COG6: variants seen among roughly 807,000 people sequenced by gnomAD.
COG6 encodes the protein conserved oligomeric Golgi complex subunit 6.
Under a neutral mutation model 88.8 loss-of-function variants are expected in COG6, and 74 were observed. The observed-to-expected ratio is 0.83, with a 90% CI of 0.69 to 1.01. The LOEUF (loss-of-function observed/expected upper bound fraction) is 1.01, where lower values mean the gene tolerates loss of function less well. Ranked by LOEUF, COG6 falls within the 50% of genes least tolerant of loss-of-function variation. The pLI, the probability that COG6 is intolerant of heterozygous loss-of-function variation, is 0.00. For missense variants in COG6, 800 were observed against 797.9 expected, an observed-to-expected ratio of 1.00 and a Z score of -0.03; for synonymous variants, 286 against 278.7, an observed-to-expected ratio of 1.03 and a Z score of -0.26.
intron 13 of COG6, among the ~76,000 whole-genome samples, chr13:39,717,307 AT>A (rs1287267288): frequency 1.3e-5 from 2 of 151,596 alleles, no homozygotes; most frequent in African/African-American, 4.8e-5. Context: ...TCTTGAGTTT[AT>A]CTTTCTTGGG....
intron 4 of COG6, 25 bp downstream of exon 4, chr13:39,665,179 C>CT (rs895666001): frequency 8.6e-6 from 11 of 1,281,912 alleles, no homozygotes; most frequent in Non-Finnish European, 1.3e-5. Context: ...ATACAACCAC[C>CT]TTTTCAATAA....
chr13:39,788,244 C>A, intron 18 of COG6: 1 of 1,277,698 alleles, frequency 7.8e-7, no homozygotes, highest in South Asian at 1.3e-5. Flanking sequence ...TATTTCAGCC[C>A]TCCCTGTGAA....
chr13:39,709,684 G>A (rs1368870512), intron 13 of COG6, among the ~76,000 whole-genome samples: 2 of 152,112 alleles, frequency 1.3e-5, no homozygotes, highest in Admixed American at 6.6e-5. Context: ...GTGTGTATAT[G>A]TGTGGTGTGT....
intron 13 of COG6, among the ~76,000 whole-genome samples, chr13:39,707,662 A>G (rs771570164): frequency 3.3e-5 from 5 of 152,124 alleles, no homozygotes; most frequent in Non-Finnish European, 7.4e-5. Flanking sequence ...AGATTCATAC[A>G]GTGTATACTT....
intron 18 of COG6, among the ~76,000 whole-genome samples, chr13:39,761,174 A>C (rs143213144): frequency 1.6e-4 from 25 of 152,150 alleles, no homozygotes; most frequent in Non-Finnish European, 3.2e-4. Flanking sequence ...GGTAGTTTTA[A>C]TGTCCTTCAA....
intron 4 of COG6, among the ~76,000 whole-genome samples, chr13:39,669,417 GTTTTA>G (rs1875482476): frequency 6.6e-6 from 1 of 152,032 alleles, no homozygotes. Flanking sequence ...AAATCTTTTT[GTTTTA>G]ATTTTTAGTG....
At chr13:39,747,891 T>A (rs1880424384) in intron 18 of COG6, among the ~76,000 whole-genome samples, 3 of 152,176 alleles carry the variant, frequency 2.0e-5, no homozygotes, top group Admixed American at 2.0e-4. Context: ...CATTTACAAG[T>A]TAAATACTAC....
intron 4 of COG6, among the ~76,000 whole-genome samples, chr13:39,670,679 A>G (rs1363124794): frequency 6.6e-6 from 1 of 152,048 alleles, no homozygotes; most frequent in Non-Finnish European, 1.5e-5. Context: ...TTATTAGACA[A>G]AGAAATCTAT....
chr13:39,750,725 C>A (rs1880576729), intron 18 of COG6, among the ~76,000 whole-genome samples: 1 of 151,976 alleles, frequency 6.6e-6, no homozygotes, highest in Admixed American at 6.6e-5. Flanking sequence ...CCTCTGCAAC[C>A]TATATAGTAA....
intron 18 of COG6, among the ~76,000 whole-genome samples, chr13:39,732,470 A>G (rs560420459): frequency 5.9e-5 from 9 of 152,368 alleles, no homozygotes; most frequent in Non-Finnish European, 1.0e-4. Context: ...TACAAATGCT[A>G]AAGTTTACAG....
chr13:39,751,985 G>T lies in COG6; in HGVS notation c.*892G>T. 1 of 1,237,832 alleles carries T rather than the reference G, an allele frequency of 8.1e-7. No homozygotes were observed. The highest frequency in any genetic ancestry group is 1.1e-6 in the Non-Finnish European group (1 of 943,856). 76.7% of individuals were successfully genotyped at this position (1,237,832 alleles called of 1,614,324 possible). On this transcript the variant is annotated 3_prime_UTR_variant, in exon 19 of 19. Coordinates refer to ENST00000455146, the MANE Select transcript of COG6 (RefSeq NM_020751.3). ...GAAACAATGATCTACTCAAACATTGGAGAAAAAAACTGCCAGAGGAGGAGT... is the reference window on the plus strand; with the variant it reads ...GAAACAATGATCTACTCAAACATTGTAGAAAAAAACTGCCAGAGGAGGAGT...
chr13:39,751,142 A>G lies in COG6; in HGVS notation c.*49A>G. 1 of 1,605,604 alleles carries G rather than the reference A, an allele frequency of 6.2e-7. No homozygotes were observed. Among genetic ancestry groups the G allele is most frequent in the Non-Finnish European group, 8.5e-7 (1 of 1,174,908 alleles). Reference sequence around the variant, plus strand: ...AAAATATGACCTCCCTAAAACACTGAAGGTTATTTTTTATTCTTTGAATTT... The same window carrying G: ...AAAATATGACCTCCCTAAAACACTGGAGGTTATTTTTTATTCTTTGAATTT... On this transcript the variant is annotated 3_prime_UTR_variant, in exon 19 of 19. Transcript: ENST00000455146.
intron 17 of COG6, among the ~76,000 whole-genome samples, chr13:39,725,249 A>G (rs1230377876): frequency 6.6e-6 from 1 of 151,920 alleles, no homozygotes; most frequent in African/African-American, 2.4e-5. Flanking sequence ...GAAGAACAAC[A>G]GCCATTAACA....
At chr13:39,712,603 T>C (rs781544633) in intron 13 of COG6, among the ~76,000 whole-genome samples, 3 of 152,230 alleles carry the variant, frequency 2.0e-5, no homozygotes. Context: ...AGGAGTCTAA[T>C]CTGTTTGAAG....
At chr13:39,788,414 T>A in exon 19 of COG6, 1 of 1,529,274 alleles carries the variant, frequency 6.5e-7, no homozygotes, top group Non-Finnish European at 8.9e-7. Flanking sequence ...TTGTGGGAGG[T>A]GATGTCTCGG....
intron 18 of COG6, among the ~76,000 whole-genome samples, chr13:39,773,752 T>G (rs985917028): frequency 1.3e-5 from 2 of 152,178 alleles, no homozygotes; most frequent in African/African-American, 4.8e-5. Flanking sequence ...ACTTATTGCT[T>G]AAAAGTCAAT....
rs745842179 is a variant in COG6 at position 39,750,968 on chromosome 13, A to G, written c.1849A>G (p.Thr617Ala). 4 of 1,613,340 alleles carry G rather than the reference A, an allele frequency of 2.5e-6. No individual in the cohort carries two copies. In the South Asian group the frequency reaches 4.4e-5, roughly 18 times the overall value. ...TVKEQIVKQSTELVCRAYGEV... is the reference protein window; with the variant it reads ...TVKEQIVKQSAELVCRAYGEV... ...TAGAGAGCAGATCGTAAAACAATCT[A>G]CAGAATTAGTCTGCAGAGCCTATGG... Residue 617 changes from threonine to alanine, a missense_variant, in exon 19 of 19, where the codon ACA (threonine) becomes GCA (alanine). Thr to Ala is a moderately conservative substitution (Grantham distance 58, BLOSUM62 0). Transcript: ENST00000455146.
chr13:39,757,949 C>G (rs998996826), intron 18 of COG6, among the ~76,000 whole-genome samples: 2 of 152,152 alleles, frequency 1.3e-5, no homozygotes, highest in Non-Finnish European at 2.9e-5. Context: ...AGGGCTGGCA[C>G]AGTGGCTCAT....
chr13:39,697,241 G>A (rs1877325815), intron 12 of COG6, among the ~76,000 whole-genome samples: 1 of 151,680 alleles, frequency 6.6e-6, no homozygotes, highest in Non-Finnish European at 1.5e-5. Context: ...AATGCCATGG[G>A]AGTAGGTAAG....
Sources: allele counts gnomAD v4.1 joint callset (sites outside exome capture counted in the v4.1 genomes callset), GRCh38; gene constraint gnomAD v4.1.1; transcripts MANE v1.5; gene names NCBI Gene and HGNC (gene_info 2026-07-23, HGNC 2026-07-21).